The following ADCY2 variants were observed in gnomAD, a reference collection of about 807,000 sequenced individuals.
ADCY2 encodes the protein adenylate cyclase 2, also known as adenylate cyclase type 2.
ADCY2 carries 31 observed loss-of-function variants against 125.2 expected under a neutral mutation model. The ratio of observed to expected loss-of-function variants is 0.25; its 90% confidence interval spans 0.19 to 0.33. The LOEUF (loss-of-function observed/expected upper bound fraction) is 0.33, where lower values mean the gene tolerates loss of function less well. ADCY2 is among the 10% of genes least tolerant of loss of function. ADCY2 has a pLI of 1.00. For synonymous variants in ADCY2, 512 were observed against 548.4 expected, an observed-to-expected ratio of 0.93 and a Z score of 0.93; for missense variants, 904 against 1,418.2, an observed-to-expected ratio of 0.64 and a Z score of 5.82.
intron 3 of ADCY2, among the ~76,000 whole-genome samples, chr5:7,619,132 A>G (rs777967983): frequency 1.1e-4 from 17 of 152,208 alleles, no homozygotes; most frequent in Non-Finnish European, 1.2e-4. Flanking sequence ...AATGACTTCT[A>G]TAGGTATCAG....
At chr5:7,601,417 A>G (rs979409509) in intron 3 of ADCY2, among the ~76,000 whole-genome samples, 2 of 152,358 alleles carry the variant, frequency 1.3e-5, no homozygotes, top group South Asian at 2.1e-4. Context: ...TTAAAGGGAC[A>G]TTTGAAATAT....
intron 18 of ADCY2, chr5:7,782,152 G>A: frequency 6.0e-6 from 1 of 167,200 alleles, no homozygotes. Context: ...ATTTAGGTCT[G>A]CACTTTCAAA....
chr5:7,587,305 C>T (rs1480130746), intron 3 of ADCY2, among the ~76,000 whole-genome samples: 2 of 152,146 alleles, frequency 1.3e-5, no homozygotes, highest in Non-Finnish European at 2.9e-5. Flanking sequence ...GGATCCTTGT[C>T]TAATTGTTGT....
At chr5:7,458,596 G>A (rs749828325) in intron 2 of ADCY2, among the ~76,000 whole-genome samples, 2 of 152,074 alleles carry the variant, frequency 1.3e-5, no homozygotes, top group Non-Finnish European at 1.5e-5. Flanking sequence ...TCCAGCTGGC[G>A]TATGTTAATG....
intron 20 of ADCY2, chr5:7,798,316 C>T (rs886490112): frequency 6.6e-6 from 1 of 152,242 alleles, no homozygotes; most frequent in South Asian, 2.1e-4. Context: ...AAAACATCCA[C>T]AGGAGGAAAG....
At chr5:7,756,477 C>T (rs1742994894) in intron 15 of ADCY2, among the ~76,000 whole-genome samples, 1 of 152,150 alleles carries the variant, frequency 6.6e-6, no homozygotes, top group Admixed American at 6.5e-5. Context: ...TAGATCCATA[C>T]AATGGAGTTT....
intron 3 of ADCY2, among the ~76,000 whole-genome samples, chr5:7,524,147 T>A (rs1248378014): frequency 6.6e-6 from 1 of 152,230 alleles, no homozygotes; most frequent in Non-Finnish European, 1.5e-5. Flanking sequence ...TAAGGAAATT[T>A]AATTAATAAC....
intron 24 of ADCY2, among the ~76,000 whole-genome samples, chr5:7,824,344 T>G (rs1745398784): frequency 6.6e-6 from 1 of 152,182 alleles, no homozygotes; most frequent in African/African-American, 2.4e-5. Context: ...TCCTCCCGGT[T>G]TCCCATTAAT....
chr5:7,717,422 T>G (rs1741622943), intron 12 of ADCY2, among the ~76,000 whole-genome samples, 185 bp downstream of exon 12: 1 of 152,184 alleles, frequency 6.6e-6, no homozygotes, highest in Admixed American at 6.5e-5. Context: ...TAAAAAATAT[T>G]TAATCCCTGC....
At chr5:7,695,528 T>C (rs1740861541) in intron 5 of ADCY2, among the ~76,000 whole-genome samples, 2 of 152,218 alleles carry the variant, frequency 1.3e-5, no homozygotes, top group Non-Finnish European at 2.9e-5. Context: ...TAAATTATTT[T>C]GCTGCTTCAC....
rs550638085 is a variant in ADCY2 at position 7,785,943 on chromosome 5, AC to A, written c.2469+1497del. 2.2e-3 allele frequency among the ~76,000 whole-genome samples: 335 copies of A among 152,240 alleles called. 2 individuals carry two copies. The highest frequency in any genetic ancestry group is 7.5e-3 in the African/African-American group (310 of 41,546). On this transcript the variant is annotated intron_variant, in intron 19 of 24. Transcript: ENST00000338316. ...TCCAATGGCTGACAGTTGATCCATC[AC>A]CCTCTAATTAAGATAAATAATCAAA...
At chr5:7,825,396 A>G (rs1194166461) in intron 24 of ADCY2, among the ~76,000 whole-genome samples, 1 of 151,982 alleles carries the variant, frequency 6.6e-6, no homozygotes, top group Non-Finnish European at 1.5e-5. Context: ...CCATAGCAAC[A>G]CTGCTGTGTG....
chr5:7,774,777 G>C (rs1371326111), intron 18 of ADCY2, among the ~76,000 whole-genome samples: 1 of 152,160 alleles, frequency 6.6e-6, no homozygotes, highest in Admixed American at 6.5e-5. Flanking sequence ...TCGGCGACTT[G>C]CCTTCACTTC....
At chr5:7,513,106 C>CACACACACACACACACACACAGAG (rs777343291) in intron 2 of ADCY2, among the ~76,000 whole-genome samples, 17 of 138,432 alleles carry the variant, frequency 1.2e-4, no homozygotes, top group African/African-American at 2.1e-4. Flanking sequence ...CACACACACA[C>CACACACACACACACACACACAGAG]AGAGAGAGAG....
At chr5:7,618,404 G>A (rs1737837653) in intron 3 of ADCY2, among the ~76,000 whole-genome samples, 1 of 152,138 alleles carries the variant, frequency 6.6e-6, no homozygotes, top group Non-Finnish European at 1.5e-5. Flanking sequence ...TGATAGCAAT[G>A]CAACCTTCTC....
chr5:7,661,208 T>C (rs1403415671), intron 4 of ADCY2, among the ~76,000 whole-genome samples: 2 of 152,224 alleles, frequency 1.3e-5, no homozygotes, highest in African/African-American at 4.8e-5. Flanking sequence ...TGCTTATTCA[T>C]AAATTATATG....
At chr5:7,543,324 C>A (rs1735050342) in intron 3 of ADCY2, among the ~76,000 whole-genome samples, 1 of 151,752 alleles carries the variant, frequency 6.6e-6, no homozygotes, top group African/African-American at 2.4e-5. Context: ...ATATTTTAAT[C>A]TAATTAATAT....
At chr5:7,609,557 C>T (rs73050118) in intron 3 of ADCY2, among the ~76,000 whole-genome samples, 5,255 of 152,230 alleles carry the variant, frequency 0.035, 301 homozygotes, top group African/African-American at 0.12. Flanking sequence ...CTTATCAGTA[C>T]ATGTCCCAAT....
At chr5:7,794,061 C>T (rs1469414570) in intron 20 of ADCY2, 7 of 152,176 alleles carry the variant, frequency 4.6e-5, no homozygotes, top group South Asian at 2.1e-4. Flanking sequence ...CTTGCAGTCT[C>T]GCTGCTGACC....
Sources: gnomAD v4.1 joint callset for allele counts (sites outside exome capture counted in the v4.1 genomes callset) on GRCh38, gnomAD v4.1.1 for gene constraint, MANE v1.5 for transcripts, NCBI Gene and HGNC (gene_info 2026-07-23, HGNC 2026-07-21) for gene names.